Variants in LHPP observed in about 807,000 individuals in gnomAD.
LHPP encodes phospholysine phosphohistidine inorganic pyrophosphate phosphatase.
Under a neutral mutation model 30.3 loss-of-function variants are expected in LHPP, and 24 were observed. The ratio of observed to expected loss-of-function variants is 0.79; its 90% CI spans 0.57 to 1.11. LHPP has a LOEUF of 1.11. LHPP is among the 50% of genes most tolerant of loss of function. The probability of loss-of-function intolerance (pLI) is 0.00; values close to 1 mark genes in which losing one functional copy is unlikely to be tolerated. For missense variants in LHPP, 356 were observed against 367.2 expected (o/e 0.97, Z 0.25); for synonymous variants, 150 against 157.1 (o/e 0.95, Z 0.34).
At chr10:124,605,895 T>C (rs1949085717) in intron 6 of LHPP, among the ~76,000 whole-genome samples, 1 of 151,862 alleles carries the variant, frequency 6.6e-6, no homozygotes, top group African/African-American at 2.4e-5. Context: ...ACCTCCTGCC[T>C]TCAAGGGGCC....
intron 6 of LHPP, among the ~76,000 whole-genome samples, chr10:124,602,530 C>A (rs1023391292): frequency 3.9e-5 from 6 of 152,218 alleles, no homozygotes; most frequent in Non-Finnish European, 8.8e-5. Flanking sequence ...GTGTGTGAGA[C>A]CTTGGGCAGA....
chr10:124,545,469 A>G (rs1955312081), intron 6 of LHPP, among the ~76,000 whole-genome samples: 1 of 152,192 alleles, frequency 6.6e-6, no homozygotes, highest in African/African-American at 2.4e-5. Context: ...CCAGGCAGGA[A>G]GCTGCTTTGT....
chr10:124,581,609 G>T (rs1220735754), intron 6 of LHPP, among the ~76,000 whole-genome samples: 1 of 152,160 alleles, frequency 6.6e-6, no homozygotes, highest in South Asian at 2.1e-4. Flanking sequence ...AGTGGCTGGT[G>T]AAGTACTATC....
At chr10:124,536,911 C>G (rs1955041652) in intron 6 of LHPP, among the ~76,000 whole-genome samples, 1 of 152,180 alleles carries the variant, frequency 6.6e-6, no homozygotes, top group Non-Finnish European at 1.5e-5. Flanking sequence ...GGAGCCCTGG[C>G]TCTGCTGTGG....
At position 124,613,401 on chromosome 10, in the gene LHPP, T is replaced by C. The variant is rs200382546; in HGVS notation, c.*41T>C. On this transcript the variant is annotated 3_prime_UTR_variant, in exon 7 of 7. Coordinates refer to ENST00000368842, the MANE Select transcript of LHPP (RefSeq NM_022126.4). The stretch of plus-strand genomic sequence containing the variant: ...GCCCCGCCTCCTCCACCCCTGCCTC[T>C]CCTCCACCCCTGCCTCCCCTCCACC... 15,385 of 1,204,822 alleles carry C rather than the reference T, an allele frequency of 0.013. 90 individuals are homozygous for C. The highest frequency in any genetic ancestry group is 0.017 in the Non-Finnish European group (14,181 of 835,672). 74.6% of individuals were successfully genotyped at this position (1,204,822 alleles called of 1,614,324 possible).
intron 6 of LHPP, among the ~76,000 whole-genome samples, chr10:124,551,714 G>C (rs1362226345): frequency 6.6e-6 from 1 of 152,056 alleles, no homozygotes; most frequent in East Asian, 1.9e-4. Context: ...GGCTTGGCCG[G>C]CCCCCCGGGA....
At chr10:124,533,508 C>T (rs549415826) in intron 6 of LHPP, among the ~76,000 whole-genome samples, 44 of 152,204 alleles carry the variant, frequency 2.9e-4, no homozygotes, top group Admixed American at 2.4e-3. Context: ...GAGTGTGGCA[C>T]GCCTTGGGGA....
chr10:124,493,134 G>A (rs192877067), intron 3 of LHPP, among the ~76,000 whole-genome samples: 16 of 146,612 alleles, frequency 1.1e-4, no homozygotes, highest in Non-Finnish European at 2.2e-4. Context: ...AAAAAAAACC[G>A]GAAGCAGTCG....
rs750258860 is a variant in LHPP, at chr10:124,498,128, G to A, written c.624G>A (p.Gln208=). 8.7e-6 allele frequency: 14 copies of A among 1,613,434 alleles called. No homozygotes were observed. The highest frequency in any genetic ancestry group is 4.5e-5 in the East Asian group (2 of 44,882). ...ALQAIGVEAH[Q]AVMIGDDIVG... Reference sequence around the variant, plus strand: ...AAGCGATAGGAGTGGAAGCCCACCAGGTAGGTTGGCGCCTTGTGAAGTGGG... The same window carrying A: ...AAGCGATAGGAGTGGAAGCCCACCAAGTAGGTTGGCGCCTTGTGAAGTGGG... The change falls in exon 5 of 7, where the codon CAG becomes CAA. Residue 208 remains glutamine (Q), a splice_region_variant and synonymous_variant. Transcript: ENST00000368842.
chr10:124,490,006 G>C (rs184382294), intron 3 of LHPP: 5 of 164,754 alleles, frequency 3.0e-5, no homozygotes, highest in South Asian at 1.4e-4. Context: ...GGTGTCTTTC[G>C]CCATCTGTGG....
Position 124,590,921 on chromosome 10 carries a change from AG to A in LHPP, c.717-22341del, listed in dbSNP as rs1188019008. ...AAACACTGCAACAGGCCTCCTTTCC[AG>A]GAAACAGGATCCCTGTCTCAGACAG... On this transcript the variant is annotated intron_variant, in intron 6 of 6. Coordinates refer to ENST00000368842, the MANE Select transcript of LHPP (RefSeq NM_022126.4). This position sits in a 1 kb window ranked among gnomAD's most constrained non-coding sequence, Gnocchi z 4.3. 6.6e-6 allele frequency among the ~76,000 whole-genome samples: 1 copy of A among 152,220 alleles called. No individual in the cohort carries two copies. The highest frequency in any genetic ancestry group is 1.5e-5 in the Non-Finnish European group (1 of 68,048).
intron 6 of LHPP, among the ~76,000 whole-genome samples, chr10:124,561,563 G>A (rs975532907): frequency 1.3e-5 from 2 of 151,948 alleles, no homozygotes; most frequent in African/African-American, 4.8e-5. Flanking sequence ...GCCCGCATGG[G>A]ACACAGTAAT....
chr10:124,588,631 C>A (rs567976185), intron 6 of LHPP, among the ~76,000 whole-genome samples: 1 of 152,156 alleles, frequency 6.6e-6, no homozygotes, highest in South Asian at 2.1e-4. Flanking sequence ...AAAAAATATC[C>A]ATATTGATGG....
chr10:124,483,546 A>T (rs528034169), intron 1 of LHPP, among the ~76,000 whole-genome samples: 1 of 152,254 alleles, frequency 6.6e-6, no homozygotes, highest in African/African-American at 2.4e-5. Flanking sequence ...ACCTGAGGTC[A>T]GGAGTTCGAG....
chr10:124,598,143 C>A (rs985938467), intron 6 of LHPP, among the ~76,000 whole-genome samples: 37 of 152,236 alleles, frequency 2.4e-4, no homozygotes, highest in African/African-American at 8.7e-4. Flanking sequence ...GCTGTGAAAA[C>A]CAAGTGAGCG....
intron 6 of LHPP, among the ~76,000 whole-genome samples, chr10:124,537,224 C>T (rs1000119865): frequency 6.6e-6 from 1 of 152,202 alleles, no homozygotes; most frequent in Non-Finnish European, 1.5e-5. Flanking sequence ...GCCCAGTCTC[C>T]CTGCTTCCCC....
At chr10:124,548,523 G>A (rs1041514386) in intron 6 of LHPP, among the ~76,000 whole-genome samples, 1 of 152,190 alleles carries the variant, frequency 6.6e-6, no homozygotes, top group African/African-American at 2.4e-5. Flanking sequence ...CAGAACGGCA[G>A]GCTGCTCCCC....
Position 124,539,378 on chromosome 10 carries a change from A to G in LHPP, c.716+22107A>G, listed in dbSNP as rs1955117261. Among the ~76,000 whole-genome samples the G allele has an allele frequency of 2.6e-5, 4 of 152,134 alleles. No individual in the cohort carries two copies. In the South Asian group the frequency reaches 8.3e-4, roughly 32 times the overall value. On this transcript the variant is annotated intron_variant, in intron 6 of 6. Coordinates refer to ENST00000368842, the MANE Select transcript of LHPP (RefSeq NM_022126.4). ...AGGTGGCCCTGCCTGTAATCCCAGC[A>G]CTTTGGGAGGCCAAGGCTGGCAGAT... is the stretch of plus-strand genomic sequence containing the variant.
chr10:124,475,322 C>T (rs558131285), intron 1 of LHPP, among the ~76,000 whole-genome samples: 4 of 149,272 alleles, frequency 2.7e-5, no homozygotes, highest in South Asian at 2.3e-4. Flanking sequence ...AGGCATGAGC[C>T]GGTGGTCAGG....
Sources: allele counts gnomAD v4.1 joint callset (sites outside exome capture counted in the v4.1 genomes callset), GRCh38; gene constraint gnomAD v4.1.1; non-coding constraint Gnocchi (gnomAD v3.1); transcripts MANE v1.5; gene names NCBI Gene and HGNC (gene_info 2026-07-23, HGNC 2026-07-21).